The following RAB18 variants were observed in gnomAD, a reference collection of about 807,000 sequenced individuals.
RAB18 encodes ras-related protein Rab-18.
RAB18 carries 10 observed loss-of-function variants against 28.5 expected under a neutral mutation model. The observed-to-expected ratio is 0.35, with a 90% CI of 0.22 to 0.60. The LOEUF (loss-of-function observed/expected upper bound fraction) is 0.60. Ranked by LOEUF, RAB18 falls within the 20% of genes least tolerant of loss-of-function variation. The pLI is 0.78. For missense variants in RAB18, 188 were observed against 244.2 expected, an observed-to-expected ratio of 0.77 and a Z score of 1.53; for synonymous variants, 93 against 86.9, an observed-to-expected ratio of 1.07 and a Z score of -0.39.
intron 3 of RAB18, chr10:27,528,459 A>G: frequency 2.5e-6 from 1 of 406,706 alleles, no homozygotes; most frequent in Non-Finnish European, 4.8e-6. Context: ...ATCAAGGGAT[A>G]TGTATACATA....
chr10:27,537,827 A>C, intron 6 of RAB18, 49 bp from the exon 7 acceptor site: 11 of 1,473,092 alleles, frequency 7.5e-6, no homozygotes, highest in Non-Finnish European at 1.0e-5. Flanking sequence ...ACATGAGAAT[A>C]TGGCCAGAAA....
Position 27,540,612 on chromosome 10 carries a change from T to C in RAB18, c.*2561T>C. 2.2e-6 allele frequency: 1 copy of C among 454,142 alleles called. No individual in the cohort carries two copies. Among genetic ancestry groups the C allele is most frequent in the Non-Finnish European group, 4.4e-6 (1 of 226,780 alleles). 28.1% of individuals were successfully genotyped at this position (454,142 alleles called of 1,614,324 possible). A position where few individuals can be genotyped will look rare whatever the true frequency, so the allele number is the denominator to read the frequency against. On this transcript the variant is annotated 3_prime_UTR_variant, in exon 7 of 7. Transcript: ENST00000356940. ...AGTAGGTGGTCTTATTTCTTTCACC[T>C]GCTCAGAGTGGACTGAAAATCCTGA... is the stretch of plus-strand genomic sequence containing the variant.
At chr10:27,533,467 G>A (rs1440163963) in intron 4 of RAB18, among the ~76,000 whole-genome samples, 1 of 151,222 alleles carries the variant, frequency 6.6e-6, no homozygotes, top group Non-Finnish European at 1.5e-5. Context: ...TGCTTTAATG[G>A]GTATTAAATG....
intron 4 of RAB18, 90 bp from the exon 5 acceptor site, chr10:27,533,645 T>G: frequency 6.7e-7 from 1 of 1,495,592 alleles, no homozygotes; most frequent in East Asian, 2.3e-5. Context: ...TCTATATTGC[T>G]TAGTAATGCT....
chr10:27,510,063 A>G (rs562480188), intron 2 of RAB18, 133 bp downstream of exon 2: 12 of 731,094 alleles, frequency 1.6e-5, no homozygotes, highest in South Asian at 1.2e-4. Context: ...TTTGTCCTTC[A>G]AGACTTAATT....
chr10:27,540,488 T>C lies in RAB18; in HGVS notation c.*2437T>C, dbSNP rs1382650253. The C allele has an allele frequency of 2.2e-6, 1 of 453,990 alleles. No homozygotes were observed. The highest frequency in any genetic ancestry group is 4.4e-6 in the Non-Finnish European group (1 of 226,786). The allele number at this position is 453,990 out of a possible 1,614,324, so 28.1% of individuals were successfully genotyped here. Reference sequence around the variant, plus strand: ...CACTATTTCTTTATCACTCTTTTGTTATATGTAATAGAAGTATTTCACACT... The same window carrying C: ...CACTATTTCTTTATCACTCTTTTGTCATATGTAATAGAAGTATTTCACACT... On this transcript the variant is annotated 3_prime_UTR_variant, in exon 7 of 7. Transcript: ENST00000356940.
chr10:27,515,082 C>G lies in RAB18; in HGVS notation c.124+5152C>G, dbSNP rs997348006. Among the ~76,000 whole-genome samples, 4 of 152,138 alleles carry G rather than the reference C, an allele frequency of 2.6e-5. No individual in the cohort carries two copies. In the South Asian group the frequency reaches 8.3e-4, roughly 32 times the overall value. On this transcript the variant is annotated intron_variant, in intron 2 of 6. Transcript: ENST00000356940. ...TCTCAGCCTGCAAAAATATCTCGAC[C>G]AGTTTTTTTGTTTGTTTGTTTGCTT...
At chr10:27,508,941 G>A (rs1184912931) in intron 1 of RAB18, among the ~76,000 whole-genome samples, 1 of 152,102 alleles carries the variant, frequency 6.6e-6, no homozygotes, top group Non-Finnish European at 1.5e-5. Context: ...GTTAACATGA[G>A]GGAAGATTGA....
chr10:27,537,129 G>A (rs896638371), intron 6 of RAB18, among the ~76,000 whole-genome samples: 4 of 152,324 alleles, frequency 2.6e-5, no homozygotes, highest in East Asian at 1.9e-4. Context: ...TAGCAGCAGG[G>A]ACAGTTTATC....
intron 2 of RAB18, among the ~76,000 whole-genome samples, chr10:27,517,705 A>T (rs1834465829): frequency 6.6e-6 from 1 of 152,296 alleles, no homozygotes; most frequent in Admixed American, 6.5e-5. Context: ...TTATACATTA[A>T]AGTTGATTTT....
At chr10:27,533,704 C>A in intron 4 of RAB18, 31 bp from the exon 5 acceptor site, 1 of 1,608,904 alleles carries the variant, frequency 6.2e-7, no homozygotes, top group Non-Finnish European at 8.5e-7. Context: ...TTCTTTAATG[C>A]TTATTTAACA....
At chr10:27,514,384 G>A (rs539522972) in intron 2 of RAB18, among the ~76,000 whole-genome samples, 8 of 152,094 alleles carry the variant, frequency 5.3e-5, no homozygotes, top group Admixed American at 1.3e-4. Context: ...ATAAGAGGCC[G>A]GGGAAGAAAT....
chr10:27,534,714 A>T (rs751127973), intron 6 of RAB18, among the ~76,000 whole-genome samples: 1 of 152,242 alleles, frequency 6.6e-6, no homozygotes, highest in Non-Finnish European at 1.5e-5. Flanking sequence ...CAGTTTATTG[A>T]AAGCACTCTA....
At position 27,515,458 on chromosome 10, in the gene RAB18, CTT is replaced by C. The variant is rs1168979074; in HGVS notation, c.124+5529_124+5530del. On this transcript the variant is annotated intron_variant, in intron 2 of 6. Coordinates refer to ENST00000356940, the MANE Select transcript of RAB18 (RefSeq NM_021252.5). ...ACATATTTCTTAATCTATTTTAAGA[CTT>C]ATAATTGTTAAAATATGTGAAAATG... is the stretch of plus-strand genomic sequence containing the variant. Among the ~76,000 whole-genome samples, 10 of 152,252 alleles carry C rather than the reference CTT, an allele frequency of 6.6e-5. No individual in the cohort carries two copies. The South Asian group carries it at 1.5e-3, about 22-fold the overall frequency.
chr10:27,523,997 T>G (rs987044429), intron 2 of RAB18, among the ~76,000 whole-genome samples: 1 of 151,736 alleles, frequency 6.6e-6, no homozygotes, highest in South Asian at 2.1e-4. Flanking sequence ...CAGAATGGCA[T>G]GAACCTGGGA....
At position 27,542,228 on chromosome 10, in the gene RAB18, TG is replaced by T. The variant is rs1835054906; in HGVS notation, c.*4178del. On this transcript the variant is annotated 3_prime_UTR_variant, in exon 7 of 7. Coordinates refer to ENST00000356940, the MANE Select transcript of RAB18 (RefSeq NM_021252.5). ...TATGTGAGCCAATAAATTCCTTTTT[TG>T]TTGAAGGCAATTTGACTTGGATTTT... is the stretch of plus-strand genomic sequence containing the variant. 1 of 454,026 alleles carries T rather than the reference TG, an allele frequency of 2.2e-6. No homozygotes were observed. The highest frequency in any genetic ancestry group is 4.4e-6 in the Non-Finnish European group (1 of 226,802). The allele number at this position is 454,026 out of a possible 1,614,324, so 28.1% of individuals were successfully genotyped here. A position where few individuals can be genotyped will look rare whatever the true frequency, so the allele number is the denominator to read the frequency against.
Position 27,539,187 on chromosome 10 carries a change from G to A in RAB18, c.*1136G>A, listed in dbSNP as rs753649409. On this transcript the variant is annotated 3_prime_UTR_variant, in exon 7 of 7. Coordinates refer to ENST00000356940, the MANE Select transcript of RAB18 (RefSeq NM_021252.5). Reference sequence around the variant, plus strand: ...TTCAGTTTTCTCACCTCTTGCTATTGTATATTGTAGATTTTTTTCATTCAT... The same window carrying A: ...TTCAGTTTTCTCACCTCTTGCTATTATATATTGTAGATTTTTTTCATTCAT... 3.3e-4 allele frequency: 112 copies of A among 335,832 alleles called. 2 individuals are homozygous for A. Among genetic ancestry groups the A allele is most frequent in the Admixed American group, 1.7e-4 (4 of 23,056 alleles). 20.8% of individuals were successfully genotyped at this position (335,832 alleles called of 1,614,324 possible).
intron 1 of RAB18, chr10:27,504,640 T>C: frequency 1.3e-6 from 1 of 750,916 alleles, no homozygotes; most frequent in South Asian, 1.5e-5. Context: ...GTTCCCGGCC[T>C]TTGCCAGGCC....
In RAB18 at chr10:27,533,620, TA is replaced by T. The variant is rs538631731; in HGVS notation, c.260-107del. On this transcript the variant is annotated intron_variant, in intron 4 of 6. Transcript: ENST00000356940. ...ACTCAATATTAATCGTTGAAGACAA[TA>T]AAAAAAAGACTTGTCTATATTGCTT... The T allele has an allele frequency of 2.0e-4, 246 of 1,249,148 alleles. 3 individuals are homozygous for T. In the South Asian group the frequency reaches 2.2e-3, roughly 11 times the overall value. 77.4% of individuals were successfully genotyped at this position (1,249,148 alleles called of 1,614,324 possible). A position where few individuals can be genotyped will look rare whatever the true frequency, so the allele number is the denominator to read the frequency against.
Sources: gnomAD v4.1 joint callset for allele counts (sites outside exome capture counted in the v4.1 genomes callset) on GRCh38, gnomAD v4.1.1 for gene constraint, MANE v1.5 for transcripts, NCBI Gene and HGNC (gene_info 2026-07-23, HGNC 2026-07-21) for gene names.